Variants in ZBTB20 observed in about 807,000 individuals in gnomAD.
ZBTB20 encodes the protein zinc finger and BTB domain-containing protein 20.
Under a neutral mutation model 56.9 loss-of-function variants are expected in ZBTB20, and 9 were observed. The ratio of observed to expected loss-of-function variants is 0.16; its 90% CI spans 0.10 to 0.28. ZBTB20 has a LOEUF of 0.28. Among genes scored for constraint, ZBTB20 ranks in the 10% least tolerant of loss-of-function variants. The pLI is 1.00. For synonymous variants in ZBTB20, 417 were observed against 420.7 expected (o/e 0.99, Z 0.11); for missense variants, 655 against 1,003.0 (o/e 0.65, Z 4.69).
chr3:114,833,335 C>T (rs747578683), intron 4 of ZBTB20, among the ~76,000 whole-genome samples: 6 of 152,112 alleles, frequency 3.9e-5, no homozygotes, highest in Admixed American at 1.3e-4. Flanking sequence ...ACACATATTA[C>T]ATAGCATCTG....
intron 10 of ZBTB20, among the ~76,000 whole-genome samples, chr3:114,378,709 G>C: frequency 6.6e-6 from 1 of 152,204 alleles, no homozygotes; most frequent in African/African-American, 2.4e-5. Context: ...CCACAGGAAC[G>C]GGCTATTTTC....
At chr3:114,989,581 T>C (rs2078707682) in intron 2 of ZBTB20, among the ~76,000 whole-genome samples, 1 of 152,116 alleles carries the variant, frequency 6.6e-6, no homozygotes, top group African/African-American at 2.4e-5. Context: ...CTTGGCAATG[T>C]GGGCTCTTTT....
At chr3:114,733,779 T>C (rs1455728666) in intron 5 of ZBTB20, among the ~76,000 whole-genome samples, 2 of 152,112 alleles carry the variant, frequency 1.3e-5, no homozygotes, top group African/African-American at 4.8e-5. Context: ...AGTAGAAGCA[T>C]GGAAGGGTAG....
At chr3:115,114,660 GT>G (rs1353493535) in intron 1 of ZBTB20, among the ~76,000 whole-genome samples, 1 of 152,034 alleles carries the variant, frequency 6.6e-6, no homozygotes, top group East Asian at 1.9e-4. Context: ...ATAGAAACTA[GT>G]TTTACAAATA....
At chr3:114,917,941 C>T (rs2075811036) in intron 3 of ZBTB20, among the ~76,000 whole-genome samples, 1 of 151,548 alleles carries the variant, frequency 6.6e-6, no homozygotes, top group Non-Finnish European at 1.5e-5. Context: ...CCAACACCAG[C>T]CACATCTGTG....
intron 6 of ZBTB20, among the ~76,000 whole-genome samples, chr3:114,680,749 G>A (rs1054622139): frequency 2.0e-5 from 3 of 152,028 alleles, no homozygotes; most frequent in Admixed American, 1.3e-4. Context: ...GACAATGATC[G>A]TTACTGAATC....
intron 7 of ZBTB20, among the ~76,000 whole-genome samples, chr3:114,418,194 CA>C (rs754354102): frequency 2.0e-5 from 3 of 152,072 alleles, no homozygotes; most frequent in Non-Finnish European, 2.9e-5. Flanking sequence ...GCATACCTCA[CA>C]ATTCTTTAGG....
At chr3:114,449,176 T>C (rs1219668554) in intron 7 of ZBTB20, among the ~76,000 whole-genome samples, 1 of 152,186 alleles carries the variant, frequency 6.6e-6, no homozygotes, top group African/African-American at 2.4e-5. Flanking sequence ...AATAAGTATT[T>C]TGTAAAATAA....
intron 7 of ZBTB20, among the ~76,000 whole-genome samples, chr3:114,491,657 T>TCTCTCTTCTGCACATTGGATCTCTC (rs1235764902): frequency 6.6e-6 from 1 of 152,180 alleles, no homozygotes; most frequent in Non-Finnish European, 1.5e-5. Flanking sequence ...CCTATGCTCT[T>TCTCTCTTCTGCACATTGGATCTCTC]CTCTCTTCTG....
At chr3:114,535,044 A>T (rs1344520875) in intron 6 of ZBTB20, among the ~76,000 whole-genome samples, 1 of 152,234 alleles carries the variant, frequency 6.6e-6, no homozygotes, top group African/African-American at 2.4e-5. Flanking sequence ...AACAGGAAAG[A>T]TCTAAAATTG....
chr3:114,863,210 G>A (rs1342363312), intron 4 of ZBTB20, among the ~76,000 whole-genome samples: 1 of 152,084 alleles, frequency 6.6e-6, no homozygotes, highest in African/African-American at 2.4e-5. Context: ...TATCCATAAA[G>A]TGGAGGGGAT....
chr3:114,725,505 C>T (rs1024972229), intron 5 of ZBTB20, among the ~76,000 whole-genome samples: 3 of 152,142 alleles, frequency 2.0e-5, no homozygotes, highest in East Asian at 1.9e-4. Context: ...ACGCATTAAT[C>T]GAAATTGATA....
chr3:114,416,558 A>G (rs1204037826), intron 7 of ZBTB20, among the ~76,000 whole-genome samples: 4 of 151,998 alleles, frequency 2.6e-5, no homozygotes, highest in Admixed American at 1.3e-4. Flanking sequence ...GTGAAACTCA[A>G]TCGCAGAGTG....
At chr3:114,370,639 C>G (rs545993689) in intron 10 of ZBTB20, among the ~76,000 whole-genome samples, 1 of 152,082 alleles carries the variant, frequency 6.6e-6, no homozygotes, top group South Asian at 2.1e-4. Context: ...CCTTTTTTCT[C>G]TCAACAAAGA....
At chr3:114,592,580 G>A (rs2055881639) in intron 6 of ZBTB20, among the ~76,000 whole-genome samples, 1 of 152,168 alleles carries the variant, frequency 6.6e-6, no homozygotes, top group Middle Eastern at 3.2e-3. Context: ...CTGAACTCAA[G>A]TATAATGGCA....
chr3:114,376,244 G>A (rs1391058503), intron 10 of ZBTB20, among the ~76,000 whole-genome samples: 2 of 152,180 alleles, frequency 1.3e-5, no homozygotes, highest in Non-Finnish European at 2.9e-5. Context: ...AAGGATAAAA[G>A]CTGTGCTCCT....
At chr3:114,487,273 T>C (rs2042247238) in intron 7 of ZBTB20, among the ~76,000 whole-genome samples, 1 of 152,144 alleles carries the variant, frequency 6.6e-6, no homozygotes, top group African/African-American at 2.4e-5. Flanking sequence ...AGGGCACTGC[T>C]GGCAGCACTA....
At chr3:114,441,528 C>T (rs1166979670) in intron 7 of ZBTB20, among the ~76,000 whole-genome samples, 3 of 152,096 alleles carry the variant, frequency 2.0e-5, no homozygotes, top group Non-Finnish European at 2.9e-5. Context: ...TCCCTGTACC[C>T]GTCAGAACCT....
At chr3:114,381,595 CTA>C (rs1170172012) in intron 8 of ZBTB20, among the ~76,000 whole-genome samples, 7 of 152,278 alleles carry the variant, frequency 4.6e-5, no homozygotes, top group African/African-American at 1.7e-4. Flanking sequence ...TTGTAGAAGA[CTA>C]TGTGTGGTAC....
Sources: allele counts gnomAD v4.1 joint callset (sites outside exome capture counted in the v4.1 genomes callset), GRCh38; gene constraint gnomAD v4.1.1; transcripts MANE v1.5; gene names NCBI Gene and HGNC (gene_info 2026-07-23, HGNC 2026-07-21).